Variants in GINM1 observed in about 807,000 individuals in gnomAD.
GINM1 encodes glycosylated integral membrane protein 1.
GINM1 carries 29 observed loss-of-function variants against 37.8 expected under a neutral mutation model. The ratio of observed to expected loss-of-function variants is 0.77; its 90% CI spans 0.57 to 1.05. The LOEUF (loss-of-function observed/expected upper bound fraction) is 1.05. Among genes scored for constraint, GINM1 ranks in the 50% least tolerant of loss-of-function variants. The pLI, the probability that GINM1 is intolerant of heterozygous loss-of-function variation, is 0.00. For synonymous variants in GINM1, 143 were observed against 146.2 expected, an observed-to-expected ratio of 0.98 and a Z score of 0.16; for missense variants, 377 against 397.9, an observed-to-expected ratio of 0.95 and a Z score of 0.45.
Position 149,570,734 on chromosome 6 carries a change from C to G in GINM1, c.121-1551C>G, listed in dbSNP as rs543269244. Among the ~76,000 whole-genome samples, 20 of 152,220 alleles carry G rather than the reference C, an allele frequency of 1.3e-4. No homozygotes were observed. In the East Asian group the frequency reaches 3.9e-3, roughly 29 times the overall value. On this transcript the variant is annotated intron_variant, in intron 1 of 7. Coordinates refer to ENST00000367419, the MANE Select transcript of GINM1 (RefSeq NM_138785.5). ...TTTTTGATGTTTATGAACAGTTTTC[C>G]TATTTTCTAAGTTAATACAACCTCA...
chr6:149,579,044 C>T, intron 4 of GINM1, 71 bp downstream of exon 4: 1 of 942,270 alleles, frequency 1.1e-6, no homozygotes, highest in African/African-American at 1.7e-5. Flanking sequence ...TGCATGTGTT[C>T]AGTTATTTTA....
chr6:149,590,665 T>A (rs1391108366), intron 7 of GINM1, 62 bp from the exon 8 acceptor site: 1 of 869,522 alleles, frequency 1.2e-6, no homozygotes, highest in African/African-American at 1.7e-5. Flanking sequence ...CTTTTCTCAC[T>A]ATCAAACTAC....
Position 149,574,570 on chromosome 6 carries a change from T to A in GINM1, c.277+1967T>A, listed in dbSNP as rs575547919. On this transcript the variant is annotated intron_variant, in intron 3 of 7. Coordinates refer to ENST00000367419, the MANE Select transcript of GINM1 (RefSeq NM_138785.5). ...GGTTTTACGTAATTTTACTATTCTT[T>A]TAGTGGTTACCCTTGCTATCAATAG... 3.3e-5 allele frequency among the ~76,000 whole-genome samples: 5 copies of A among 152,328 alleles called. No homozygotes were observed. The South Asian group carries it at 1.0e-3, about 32-fold the overall frequency.
intron 1 of GINM1, among the ~76,000 whole-genome samples, chr6:149,569,750 C>T (rs1041731005): frequency 3.1e-4 from 47 of 152,146 alleles, no homozygotes; most frequent in African/African-American, 1.1e-3. Flanking sequence ...ATATTTCGCT[C>T]AGACGTATTT....
intron 3 of GINM1, 59 bp from the exon 4 acceptor site, chr6:149,578,759 ACACT>A (rs1777954245): frequency 1.8e-6 from 2 of 1,107,242 alleles, no homozygotes; most frequent in Admixed American, 2.4e-5. Flanking sequence ...CAAAATAATC[ACACT>A]CACTCACAGA....
rs369150777 is a variant in GINM1 at position 149,591,126 on chromosome 6, T to TA, written c.*296dup. On this transcript the variant is annotated 3_prime_UTR_variant, in exon 8 of 8. Transcript: ENST00000367419. Reference sequence around the variant, plus strand: ...CAACATGGTGAAACCCTGTCTCTACTAAAAAAAATAAAAAAATTAGCTGGG... The same window carrying TA: ...CAACATGGTGAAACCCTGTCTCTACTAAAAAAAAATAAAAAAATTAGCTGGG... The TA allele has an allele frequency of 2.6e-4, 52 of 197,994 alleles. No individual in the cohort carries two copies. The highest frequency in any genetic ancestry group is 3.8e-3 in the Middle Eastern group (2 of 532). 12.3% of individuals were successfully genotyped at this position (197,994 alleles called of 1,614,324 possible).
At chr6:149,589,989 G>C (rs1355527055) in intron 7 of GINM1, among the ~76,000 whole-genome samples, 1 of 152,124 alleles carries the variant, frequency 6.6e-6, no homozygotes, top group African/African-American at 2.4e-5. Context: ...TTTTAGTAGA[G>C]ATGGGGTTTT....
At chr6:149,588,720 T>C (rs1582739651) in intron 7 of GINM1, among the ~76,000 whole-genome samples, 1 of 152,058 alleles carries the variant, frequency 6.6e-6, no homozygotes, top group African/African-American at 2.4e-5. Flanking sequence ...TTGACCCTCC[T>C]GGGTTCAAGC....
rs776994605 is a variant in GINM1 at position 149,582,560 on chromosome 6, G to A, written c.838G>A (p.Val280Ile). Residue 280 changes from valine to isoleucine, a missense_variant, in exon 7 of 8, where the codon GTA (valine) becomes ATA (isoleucine). Physicochemically the swap from Val to Ile is conservative, Grantham distance 29. Transcript: ENST00000367419. ...MVVGITGAAVVITILKVFFPV... is the reference protein window; with the variant it reads ...MVVGITGAAVIITILKVFFPV... Reference sequence around the variant, plus strand: ...GGTTGGAATTACAGGAGCAGCTGTGGTAATAACCATCTTAAAGGTGTTTTT... The same window carrying A: ...GGTTGGAATTACAGGAGCAGCTGTGATAATAACCATCTTAAAGGTGTTTTT... 10 of 1,605,874 alleles carry A rather than the reference G, an allele frequency of 6.2e-6. No individual in the cohort carries two copies. Among genetic ancestry groups the A allele is most frequent in the Admixed American group, 5.2e-5 (3 of 57,342 alleles).
In GINM1 at chr6:149,572,808, T is replaced by C. The variant is rs182041196; in HGVS notation, c.277+205T>C. On this transcript the variant is annotated intron_variant, in intron 3 of 7. Transcript: ENST00000367419. ...TCCAAAGTAGCTGGGACTGCAGGCATGTGCCACCATACCCGGCTAACTTTT... is the reference window on the plus strand; with the variant it reads ...TCCAAAGTAGCTGGGACTGCAGGCACGTGCCACCATACCCGGCTAACTTTT... 5.1e-4 allele frequency among the ~76,000 whole-genome samples: 78 copies of C among 152,244 alleles called. 1 individual carries two copies. The highest frequency in any genetic ancestry group is 6.8e-3 in the Middle Eastern group (2 of 294).
chr6:149,573,817 C>A (rs1777867790), intron 3 of GINM1, among the ~76,000 whole-genome samples: 1 of 150,458 alleles, frequency 6.6e-6, no homozygotes. Context: ...AGAGTAAGAC[C>A]CTGGCTCAAA....
Position 149,590,711 on chromosome 6 carries a change from T to C in GINM1, c.882-16T>C. 1 of 1,265,352 alleles carries C rather than the reference T, an allele frequency of 7.9e-7. No individual in the cohort carries two copies. The highest frequency in any genetic ancestry group is 1.5e-5 in the African/African-American group (1 of 67,600). 78.4% of individuals were successfully genotyped at this position (1,265,352 alleles called of 1,614,324 possible). A position where few individuals can be genotyped will look rare whatever the true frequency, so the allele number is the denominator to read the frequency against. Reference sequence around the variant, plus strand: ...AACATTTAATTTTGATAGTAATTAATCACTTTCTATTTCAGAGGAATTCTT... The same window carrying C: ...AACATTTAATTTTGATAGTAATTAACCACTTTCTATTTCAGAGGAATTCTT... On this transcript the variant is annotated splice_polypyrimidine_tract_variant and intron_variant, in intron 7 of 7. Coordinates refer to ENST00000367419, the MANE Select transcript of GINM1 (RefSeq NM_138785.5).
At chr6:149,581,347 T>G (rs1777996399) in intron 6 of GINM1, among the ~76,000 whole-genome samples, 1 of 152,118 alleles carries the variant, frequency 6.6e-6, no homozygotes, top group Non-Finnish European at 1.5e-5. Flanking sequence ...TTAGTAGAGA[T>G]GGAGTTTCAC....
chr6:149,572,231 G>A lies in GINM1; in HGVS notation c.121-54G>A, dbSNP rs947324550. The A allele has an allele frequency of 3.9e-6, 4 of 1,029,674 alleles. No individual in the cohort carries two copies. In the Admixed American group the frequency reaches 8.6e-5, roughly 22 times the overall value. 63.8% of individuals were successfully genotyped at this position (1,029,674 alleles called of 1,614,324 possible). A position where few individuals can be genotyped will look rare whatever the true frequency, so the allele number is the denominator to read the frequency against. ...TGGAGGGAAAAGAGAAAGCCACGTT[G>A]TTCTCAATCTGTGAGATGCACACCT... On this transcript the variant is annotated intron_variant, in intron 1 of 7. Transcript: ENST00000367419.
chr6:149,582,502 C>T lies in GINM1; in HGVS notation c.780C>T (p.Phe260=). The change falls in exon 7 of 8, where the codon TTC becomes TTT. Residue 260 remains phenylalanine (F), a synonymous_variant. Coordinates refer to ENST00000367419, the MANE Select transcript of GINM1 (RefSeq NM_138785.5). ...KDLCRFWSNV[F]PVFFQFLNIM... ...TGTGTAGGTTCTGGAGCAACGTTTTCCCAGTATTCTTTCAGTTTTTGAACA... is the reference window on the plus strand; with the variant it reads ...TGTGTAGGTTCTGGAGCAACGTTTTTCCAGTATTCTTTCAGTTTTTGAACA... 1 of 1,612,372 alleles carries T rather than the reference C, an allele frequency of 6.2e-7. No homozygotes were observed.
At chr6:149,588,743 T>A in intron 7 of GINM1, among the ~76,000 whole-genome samples, 1 of 152,020 alleles carries the variant, frequency 6.6e-6, no homozygotes, top group East Asian at 1.9e-4. Context: ...TCCTCCTGCC[T>A]CAGCCTCCCA....
chr6:149,579,967 C>T lies in GINM1; in HGVS notation c.563C>T (p.Thr188Ile), dbSNP rs747382393. The T allele has an allele frequency of 1.4e-5, 22 of 1,590,734 alleles. No individual in the cohort carries two copies. The highest frequency in any genetic ancestry group is 1.8e-5 in the Non-Finnish European group (21 of 1,170,736). Residue 188 changes from threonine (T) to isoleucine (I), a missense_variant, in exon 5 of 8, where the codon ACC becomes ATC. Coordinates refer to ENST00000367419, the MANE Select transcript of GINM1 (RefSeq NM_138785.5). Reference protein sequence around the residue: ...SISRDSDILFTLPNLSKKESV... With the variant: ...SISRDSDILFILPNLSKKESV... ...TCTCGAGACAGTGACATTTTATTTA[C>T]CCTTCCTAACCTCTCCAAAAAAGGT...
chr6:149,587,918 ATACT>A (rs992801012), intron 7 of GINM1, among the ~76,000 whole-genome samples: 1 of 152,214 alleles, frequency 6.6e-6, no homozygotes, highest in African/African-American at 2.4e-5. Flanking sequence ...CATCCAAAAG[ATACT>A]TACCACTTTG....
chr6:149,572,305 A>C lies in GINM1; in HGVS notation c.141A>C (p.Val47=). The change falls in exon 2 of 8, where the codon GTA becomes GTC. Residue 47 remains valine, a synonymous_variant. Transcript: ENST00000367419. ...GAPQDGIRIN[V]TTLKDDGDIS... ...TACAGGACGGCATCAGAATTAATGTAACTACACTGAAAGATGATGGGGACA... is the reference window on the plus strand; with the variant it reads ...TACAGGACGGCATCAGAATTAATGTCACTACACTGAAAGATGATGGGGACA... 1 of 1,599,582 alleles carries C rather than the reference A, an allele frequency of 6.3e-7. No homozygotes were observed. Among genetic ancestry groups the C allele is most frequent in the Non-Finnish European group, 8.5e-7 (1 of 1,173,298 alleles).
Sources: gnomAD v4.1 joint callset for allele counts (sites outside exome capture counted in the v4.1 genomes callset) on GRCh38, gnomAD v4.1.1 for gene constraint, MANE v1.5 for transcripts, NCBI Gene and HGNC (gene_info 2026-07-23, HGNC 2026-07-21) for gene names.